Variants in KHDRBS2 observed in about 807,000 individuals in gnomAD.
The protein encoded by KHDRBS2 is KH domain-containing, RNA-binding, signal transduction-associated protein 2.
A neutral mutation model predicts 44.3 loss-of-function variants in KHDRBS2; 26 were observed. The observed-to-expected ratio is 0.59, with a 90% CI of 0.43 to 0.81. The LOEUF is 0.81. Ranked by LOEUF, KHDRBS2 falls within the 40% of genes least tolerant of loss-of-function variation. The pLI, the probability that KHDRBS2 is intolerant of heterozygous loss-of-function variation, is 0.00. For missense variants in KHDRBS2, 476 were observed against 433.1 expected (o/e 1.10, Z -0.88); for synonymous variants, 194 against 151.1 (o/e 1.28, Z -2.08).
At chr6:62,269,263 T>C (rs1465821054) in intron 1 of KHDRBS2, among the ~76,000 whole-genome samples, 3 of 142,520 alleles carry the variant, frequency 2.1e-5, no homozygotes, top group Non-Finnish European at 4.5e-5. Flanking sequence ...GCAAAATTAA[T>C]AACTTCTCCT....
At chr6:61,681,641 AC>A (rs202048296) in intron 8 of KHDRBS2, among the ~76,000 whole-genome samples, 55 of 152,060 alleles carry the variant, frequency 3.6e-4, no homozygotes, top group Admixed American at 3.0e-3. Flanking sequence ...AGTAAACAAA[AC>A]AAAACACAAA....
At position 61,924,546 on chromosome 6, in the gene KHDRBS2, T is replaced by C. The variant is rs187810760; in HGVS notation, c.484-23175A>G. On this transcript the variant is annotated intron_variant, in intron 4 of 8. Transcript: ENST00000281156. ...TAAACTGTGATGAACACTATAATTTTTAAAAGTCTAACAGTAGTCTTTTGA... is the reference window on the plus strand; with the variant it reads ...TAAACTGTGATGAACACTATAATTTCTAAAAGTCTAACAGTAGTCTTTTGA... Among the ~76,000 whole-genome samples the C allele has an allele frequency of 3.3e-5, 5 of 151,788 alleles. No homozygotes were observed. In the East Asian group the frequency reaches 9.7e-4, roughly 29 times the overall value.
chr6:61,566,249 G>A, the KHDRBS2 span, among the ~76,000 whole-genome samples: 1 of 152,128 alleles, frequency 6.6e-6, no homozygotes. Flanking sequence ...CAGTGGGGAG[G>A]CGAGGATAAA....
chr6:61,593,564 T>C, the KHDRBS2 span, among the ~76,000 whole-genome samples: 2 of 152,036 alleles, frequency 1.3e-5, no homozygotes, highest in Admixed American at 6.6e-5. Flanking sequence ...GACTAATTTA[T>C]TTGCAAAATA....
chr6:61,869,701 T>C (rs752011605), intron 6 of KHDRBS2, among the ~76,000 whole-genome samples: 1 of 152,024 alleles, frequency 6.6e-6, no homozygotes, highest in Non-Finnish European at 1.5e-5. Context: ...GTACAGCTCA[T>C]GGAGGGTGAG....
At chr6:61,913,523 T>C (rs181357554) in intron 4 of KHDRBS2, among the ~76,000 whole-genome samples, 6 of 151,364 alleles carry the variant, frequency 4.0e-5, no homozygotes, top group Middle Eastern at 3.5e-3. Flanking sequence ...ATATTATATA[T>C]AGTAAATAAA....
At chr6:61,626,467 C>T in the KHDRBS2 span, among the ~76,000 whole-genome samples, 4 of 152,290 alleles carry the variant, frequency 2.6e-5, no homozygotes, top group South Asian at 2.1e-4. Flanking sequence ...ATACAGTGAG[C>T]ATTAATATTT....
intron 7 of KHDRBS2, among the ~76,000 whole-genome samples, chr6:61,710,364 T>G (rs1770297253): frequency 6.6e-6 from 1 of 151,750 alleles, no homozygotes. Flanking sequence ...TGTCTTTGTT[T>G]ACCATCACTG....
chr6:61,593,666 C>CA, the KHDRBS2 span, among the ~76,000 whole-genome samples: 93,425 of 151,768 alleles, frequency 0.62, 28,957 homozygotes, highest in Non-Finnish European at 0.65. Context: ...GTTAGCTTTA[C>CA]GGAACTTTTT....
At chr6:61,835,648 G>T (rs1194056496) in intron 6 of KHDRBS2, among the ~76,000 whole-genome samples, 1 of 151,530 alleles carries the variant, frequency 6.6e-6, no homozygotes, top group Non-Finnish European at 1.5e-5. Context: ...ATATTTCATT[G>T]ACATCATTTA....
At chr6:61,550,015 C>T in the KHDRBS2 span, among the ~76,000 whole-genome samples, 6 of 152,144 alleles carry the variant, frequency 3.9e-5, no homozygotes, top group African/African-American at 1.4e-4. Flanking sequence ...TTTATTTAAT[C>T]CCTCTATGCA....
chr6:61,712,854 T>C (rs1770751204), intron 7 of KHDRBS2, among the ~76,000 whole-genome samples: 1 of 151,726 alleles, frequency 6.6e-6, no homozygotes. Flanking sequence ...TTCATATGTC[T>C]CCTATAATTT....
At chr6:61,771,564 C>T (rs1428653879) in intron 6 of KHDRBS2, among the ~76,000 whole-genome samples, 1 of 152,096 alleles carries the variant, frequency 6.6e-6, no homozygotes, top group Non-Finnish European at 1.5e-5. Flanking sequence ...AGACTTTAAA[C>T]CACCAAAGAT....
At chr6:61,773,647 A>T (rs1419292037) in intron 6 of KHDRBS2, among the ~76,000 whole-genome samples, 1 of 149,948 alleles carries the variant, frequency 6.7e-6, no homozygotes, top group Admixed American at 6.6e-5. Context: ...CTTTAGTTTA[A>T]TTAGATCCCA....
chr6:61,573,686 A>C, the KHDRBS2 span, among the ~76,000 whole-genome samples: 1 of 151,980 alleles, frequency 6.6e-6, no homozygotes, highest in Admixed American at 6.6e-5. Flanking sequence ...CTACTTGGGA[A>C]GCTGAGGCAG....
At chr6:61,575,007 A>G in the KHDRBS2 span, among the ~76,000 whole-genome samples, 2 of 152,226 alleles carry the variant, frequency 1.3e-5, no homozygotes, top group African/African-American at 2.4e-5. Flanking sequence ...AACTATAAAA[A>G]TTCTAAAAGA....
chr6:61,742,226 A>C (rs1361593003), intron 6 of KHDRBS2, among the ~76,000 whole-genome samples: 1 of 151,952 alleles, frequency 6.6e-6, no homozygotes, highest in African/African-American at 2.4e-5. Context: ...TACTTTATGA[A>C]GTGTGGTTAA....
intron 1 of KHDRBS2, among the ~76,000 whole-genome samples, chr6:62,267,293 T>C (rs941924151): frequency 6.6e-6 from 1 of 152,046 alleles, no homozygotes; most frequent in Non-Finnish European, 1.5e-5. Flanking sequence ...TACCTCACTG[T>C]TCTGTTCTGT....
intron 3 of KHDRBS2, among the ~76,000 whole-genome samples, chr6:62,035,303 T>A (rs961965558): frequency 1.3e-5 from 2 of 151,998 alleles, no homozygotes; most frequent in East Asian, 1.9e-4. Context: ...GGAGTACTAT[T>A]CAGCCACAAA....
Sources: gnomAD v4.1 joint callset for allele counts (sites outside exome capture counted in the v4.1 genomes callset) on GRCh38, gnomAD v4.1.1 for gene constraint, MANE v1.5 for transcripts, NCBI Gene and HGNC (gene_info 2026-07-23, HGNC 2026-07-21) for gene names.